GORASP2: variants seen among roughly 807,000 people sequenced by gnomAD.
GORASP2 encodes the protein golgi reassembly stacking protein 2, also known as Golgi reassembly-stacking protein 2.
A neutral mutation model predicts 45.7 loss-of-function variants in GORASP2; 22 were observed. That is an observed-to-expected ratio of 0.48 (90% CI 0.34 to 0.69). GORASP2 has a LOEUF of 0.69. GORASP2 is among the 30% of genes least tolerant of loss of function. The pLI is 0.01. For missense variants in GORASP2, 491 were observed against 562.7 expected (o/e 0.87, Z 1.29); for synonymous variants, 221 against 215.6 (o/e 1.02, Z -0.22).
rs746768025 is a variant in GORASP2, at chr2:170,966,039, C to T, written c.1268C>T (p.Thr423Ile). 1 of 1,613,944 alleles carries T rather than the reference C, an allele frequency of 6.2e-7. No homozygotes were observed. Among genetic ancestry groups the T allele is most frequent in the Non-Finnish European group, 8.5e-7 (1 of 1,179,874 alleles). The change falls in exon 10 of 10, where the codon ACC (threonine) becomes ATC (isoleucine). Residue 423 changes from threonine to isoleucine, a missense_variant. Physicochemically the swap from Thr to Ile is moderately conservative, Grantham distance 89. Transcript: ENST00000234160. ...ACGCCCCCCACTGCCAAGGCCCCCA[C>T]CACCGTTGAGGACAGAGTCGGCGAC... ...DVTPPTAKAP[T>I]TVEDRVGDST...
intron 1 of GORASP2, chr2:170,936,785 T>A: frequency 2.1e-6 from 1 of 471,354 alleles, no homozygotes; most frequent in Non-Finnish European, 4.0e-6. Context: ...AGATCCGGTC[T>A]CAATAAAAGC....
In GORASP2 at chr2:170,966,092, T is replaced by G. The variant is rs146844881; in HGVS notation, c.1321T>G (p.Ser441Ala). Residue 441 changes from serine to alanine, a missense_variant, in exon 10 of 10, where the codon TCT becomes GCT. Coordinates refer to ENST00000234160, the MANE Select transcript of GORASP2 (RefSeq NM_015530.5). The stretch of plus-strand genomic sequence containing the variant: ...CACCCCAGTCAGCGAGAAGCCTGTT[T>G]CTGCGGCTGTGGATGCCAATGCTTC... ...DSTPVSEKPVSAAVDANASES... is the reference protein window; with the variant it reads ...DSTPVSEKPVAAAVDANASES... 6.2e-7 allele frequency: 1 copy of G among 1,614,118 alleles called. No individual in the cohort carries two copies. The highest frequency in any genetic ancestry group is 1.3e-5 in the African/African-American group (1 of 75,062).
rs1704677639 is a variant in GORASP2 at position 170,965,952 on chromosome 2, C to T, written c.1181C>T (p.Pro394Leu). 3 of 1,613,976 alleles carry T rather than the reference C, an allele frequency of 1.9e-6. No homozygotes were observed. Among genetic ancestry groups the T allele is most frequent in the African/African-American group, 2.7e-5 (2 of 74,976 alleles). The change falls in exon 10 of 10, where the codon CCC becomes CTC. Residue 394 changes from proline (P) to leucine (L), a missense_variant. By Grantham distance (98) the Pro-to-Leu change is moderately conservative. Transcript: ENST00000234160. ...TCCCTCCCGCCCACCAGCAACGCAC[C>T]CTCCGACCCTGCCACAACTACTGCA... ...LSSLPPTSNAPSDPATTTAKA... is the reference protein window; with the variant it reads ...LSSLPPTSNALSDPATTTAKA...
intron 4 of GORASP2, among the ~76,000 whole-genome samples, chr2:170,950,754 G>A (rs538252179): frequency 6.6e-6 from 1 of 152,328 alleles, no homozygotes; most frequent in East Asian, 1.9e-4. Context: ...GGCCGAGATG[G>A]GAGAATTACT....
At chr2:170,952,956 G>A (rs1433719947) in intron 5 of GORASP2, among the ~76,000 whole-genome samples, 1 of 152,214 alleles carries the variant, frequency 6.6e-6, no homozygotes, top group African/African-American at 2.4e-5. Flanking sequence ...GATTATAGGT[G>A]TGATCTTCCA....
intron 5 of GORASP2, among the ~76,000 whole-genome samples, chr2:170,952,507 G>A (rs1704321133): frequency 6.6e-6 from 1 of 151,976 alleles, no homozygotes; most frequent in Non-Finnish European, 1.5e-5. Flanking sequence ...TCATTCTTAG[G>A]CTGTCTTTAA....
chr2:170,947,826 A>G (rs1704212170), intron 1 of GORASP2, among the ~76,000 whole-genome samples: 1 of 152,206 alleles, frequency 6.6e-6, no homozygotes, highest in Admixed American at 6.5e-5. Context: ...AACCTCATAT[A>G]GAAGATGAAC....
rs772227999 is a variant in GORASP2 at position 170,962,901 on chromosome 2, C to T, written c.973C>T (p.Pro325Ser). Residue 325 changes from proline (P) to serine (S), a missense_variant, in exon 9 of 10, where the codon CCA becomes TCA. This residue lies in a region of GORASP2 where 297 missense variants were observed against 292.3 expected (regional missense o/e 1.02). Transcript: ENST00000234160. The part of the protein sequence containing the change: ...LPNLNLNLPA[P>S]HIMPGVGLPE... ...CAACCTCAACCTCAACCTCCCAGCA[C>T]CACACATCATGCCAGGGGTTGGCTT... 5 of 1,614,038 alleles carry T rather than the reference C, an allele frequency of 3.1e-6. No homozygotes were observed. Among genetic ancestry groups the T allele is most frequent in the South Asian group, 1.1e-5 (1 of 91,074 alleles).
chr2:170,945,941 A>G (rs1704173308), intron 1 of GORASP2, among the ~76,000 whole-genome samples: 1 of 152,216 alleles, frequency 6.6e-6, no homozygotes, highest in South Asian at 2.1e-4. Context: ...CTATAGAACT[A>G]TTTGGACTAT....
chr2:170,949,622 A>G lies in GORASP2; in HGVS notation c.228A>G (p.Thr76=). ...PVKMLIYSSK[T]LELRETSVTP... ...AGATGCTTATCTATAGCAGCAAAAC[A>G]TTGGAACTGCGAGAGACCTCAGTCA... The change falls in exon 3 of 10, where the codon ACA becomes ACG. Residue 76 remains threonine, a synonymous_variant. Transcript: ENST00000234160. 4 of 1,614,092 alleles carry G rather than the reference A, an allele frequency of 2.5e-6. No individual in the cohort carries two copies. The highest frequency in any genetic ancestry group is 2.2e-5 in the South Asian group (2 of 91,090).
chr2:170,959,821 C>CTTTT (rs35210942), intron 7 of GORASP2, among the ~76,000 whole-genome samples: 5 of 124,544 alleles, frequency 4.0e-5, no homozygotes, highest in South Asian at 2.5e-4. Flanking sequence ...TCACCTTTTT[C>CTTTT]TTTTTTTTTT....
At chr2:170,963,470 T>TCCCCCCCC (rs1251788180) in intron 9 of GORASP2, among the ~76,000 whole-genome samples, 1 of 66,488 alleles carries the variant, frequency 1.5e-5, no homozygotes, top group African/African-American at 6.6e-5. Context: ...CTCCTCCTCC[T>TCCCCCCCC]CCCCCTCCTC....
At chr2:170,932,762 G>A (rs1372012057) in intron 1 of GORASP2, among the ~76,000 whole-genome samples, 1 of 151,912 alleles carries the variant, frequency 6.6e-6, no homozygotes, top group Non-Finnish European at 1.5e-5. Flanking sequence ...GCCTAACATC[G>A]CCCCTTAGCC....
At chr2:170,940,043 CT>C (rs1704037579) in intron 1 of GORASP2, among the ~76,000 whole-genome samples, 1 of 151,590 alleles carries the variant, frequency 6.6e-6, no homozygotes, top group African/African-American at 2.4e-5. Flanking sequence ...TTCAATGGGG[CT>C]TTTCTGCATT....
chr2:170,929,956 C>CTGTTT (rs1170343140), intron 1 of GORASP2: 2 of 347,810 alleles, frequency 5.8e-6, no homozygotes, highest in African/African-American at 4.5e-5. Context: ...GTTCGACGGA[C>CTGTTT]TTAAACAGAC....
At chr2:170,929,138 T>C (rs1703748759), upstream of GORASP2, 1 of 410,380 alleles carries the variant, frequency 2.4e-6, no homozygotes, top group Non-Finnish European at 4.2e-6. Flanking sequence ...CCCCTTCCAG[T>C]GGCTCGCGGC....
At chr2:170,945,874 G>C (rs1290357079) in intron 1 of GORASP2, among the ~76,000 whole-genome samples, 2 of 152,180 alleles carry the variant, frequency 1.3e-5, no homozygotes, top group Non-Finnish European at 2.9e-5. Flanking sequence ...AATAGCTGTA[G>C]CTTTGTGTAT....
At chr2:170,937,444 T>A (rs1204739822) in intron 1 of GORASP2, among the ~76,000 whole-genome samples, 1 of 152,162 alleles carries the variant, frequency 6.6e-6, no homozygotes, top group Admixed American at 6.5e-5. Flanking sequence ...CAAGTGATCC[T>A]CCTGCTTTAG....
chr2:170,956,442 C>T lies in GORASP2; in HGVS notation c.706C>T (p.Leu236=), dbSNP rs753729816. 7.5e-6 allele frequency: 12 copies of T among 1,608,780 alleles called. No homozygotes were observed. Among genetic ancestry groups the T allele is most frequent in the Middle Eastern group, 1.7e-4 (1 of 6,034 alleles). Residue 236 remains leucine, a synonymous_variant, in exon 7 of 10, where the codon CTG becomes TTG. Coordinates refer to ENST00000234160, the MANE Select transcript of GORASP2 (RefSeq NM_015530.5). ...PLKDGFTEVQ[L]SSVNPPSLSP... Reference sequence around the variant, plus strand: ...TTTTTTCTTTTTTTGGAAGGTCCAGCTGTCCTCAGTTAATCCCCCGTCTTT... The same window carrying T: ...TTTTTTCTTTTTTTGGAAGGTCCAGTTGTCCTCAGTTAATCCCCCGTCTTT...
Sources: gnomAD v4.1 joint callset for allele counts (sites outside exome capture counted in the v4.1 genomes callset) on GRCh38, gnomAD v4.1.1 for gene constraint, gnomAD v4.1.1 regional missense constraint, MANE v1.5 for transcripts, NCBI Gene and HGNC (gene_info 2026-07-23, HGNC 2026-07-21) for gene names.